Variants in GCC2 observed in about 807,000 individuals in gnomAD.
GCC2 encodes the protein GRIP and coiled-coil domain containing 2, also known as GRIP and coiled-coil domain-containing protein 2.
Under a neutral mutation model 210.6 loss-of-function variants are expected in GCC2, and 120 were observed. The ratio of observed to expected loss-of-function variants is 0.57; its 90% confidence interval spans 0.49 to 0.66. The LOEUF is 0.66. Among genes scored for constraint, GCC2 ranks in the 30% least tolerant of loss-of-function variants. GCC2 has a pLI of 0.00. For missense variants in GCC2, 1,868 were observed against 1,871.9 expected, an observed-to-expected ratio of 1.00 and a Z score of 0.04; for synonymous variants, 703 against 652.7, an observed-to-expected ratio of 1.08 and a Z score of -1.17.
intron 4 of GCC2, among the ~76,000 whole-genome samples, chr2:108,461,850 T>TTTTTG (rs1295632709): frequency 6.8e-6 from 1 of 146,030 alleles, no homozygotes. Context: ...TTTTTTTTTT[T>TTTTTG]TGAGACAGAG....
intron 1 of GCC2, 75 bp downstream of exon 1, chr2:108,449,355 G>A: frequency 6.6e-7 from 1 of 1,518,878 alleles, no homozygotes; most frequent in Non-Finnish European, 8.9e-7. Flanking sequence ...TGGGCCCGAT[G>A]GGAGGGCGCG....
intron 4 of GCC2, among the ~76,000 whole-genome samples, chr2:108,458,374 CTTTTTTTTTTT>C (rs70956257): frequency 1.0e-5 from 1 of 100,306 alleles, no homozygotes; most frequent in Admixed American, 1.1e-4. Flanking sequence ...TTGTTGCTTT[CTTTTTTTTTTT>C]TTTTTTTTTG....
At chr2:108,452,321 T>C in intron 3 of GCC2, 78 bp from the exon 4 acceptor site, 1 of 803,200 alleles carries the variant, frequency 1.2e-6, no homozygotes, top group South Asian at 1.4e-5. Flanking sequence ...GGGGGTTTTG[T>C]GAGAATGTAC....
At chr2:108,449,448 C>A (rs1679781904) in intron 1 of GCC2, among the ~76,000 whole-genome samples, 168 bp downstream of exon 1, 1 of 152,204 alleles carries the variant, frequency 6.6e-6, no homozygotes, top group Non-Finnish European at 1.5e-5. Context: ...GGGTTACCTG[C>A]CCCGTAGAGC....
chr2:108,465,840 C>G (rs1432875631), intron 4 of GCC2, among the ~76,000 whole-genome samples: 2 of 152,164 alleles, frequency 1.3e-5, no homozygotes, highest in African/African-American at 4.8e-5. Flanking sequence ...TTCCCCACAT[C>G]CACGCAAACA....
intron 4 of GCC2, among the ~76,000 whole-genome samples, chr2:108,458,676 A>G (rs1425554979): frequency 1.3e-5 from 2 of 151,880 alleles, no homozygotes; most frequent in Non-Finnish European, 2.9e-5. Context: ...CCAGAAATTT[A>G]TCCATTTCCT....
At chr2:108,484,053 C>A (rs887799441) in intron 12 of GCC2, 96 bp from the exon 13 acceptor site, 10 of 641,688 alleles carry the variant, frequency 1.6e-5, no homozygotes, top group Non-Finnish European at 2.4e-5. Context: ...CCATTTATTG[C>A]TGTGGCATCA....
rs142522262 is a variant in GCC2 at position 108,472,110 on chromosome 2, A to G, written c.2781A>G (p.Leu927=). 4 of 1,510,076 alleles carry G rather than the reference A, an allele frequency of 2.6e-6. No homozygotes were observed. Among genetic ancestry groups the G allele is most frequent in the South Asian group, 2.7e-5 (2 of 73,146 alleles). 93.5% of individuals were successfully genotyped at this position (1,510,076 alleles called of 1,614,324 possible). A position where few individuals can be genotyped will look rare whatever the true frequency, so the allele number is the denominator to read the frequency against. The change falls in exon 6 of 23, where the codon CTA becomes CTG. Residue 927 remains leucine (L), a synonymous_variant. Coordinates refer to ENST00000309863, the MANE Select transcript of GCC2 (RefSeq NM_181453.4). ...ELRDRRAELI[L]LKDSLAKSPS... is the part of the protein sequence containing the mutation. Reference sequence around the variant, plus strand: ...GAGATAGGAGAGCAGAGTTGATACTATTAAAGGTACCATTCATTTGAATTC... The same window carrying G: ...GAGATAGGAGAGCAGAGTTGATACTGTTAAAGGTACCATTCATTTGAATTC...
intron 7 of GCC2, chr2:108,475,115 T>TCAGACC (rs1681440421): frequency 6.5e-6 from 1 of 154,026 alleles, no homozygotes; most frequent in Non-Finnish European, 1.4e-5. Flanking sequence ...GTTGTGAAAA[T>TCAGACC]CAGACCCAGC....
intron 7 of GCC2, 77 bp from the exon 8 acceptor site, chr2:108,475,458 C>G (rs557337099): frequency 3.3e-6 from 2 of 612,506 alleles, no homozygotes; most frequent in East Asian, 3.0e-5. Context: ...CCCAAATAAT[C>G]TAGGGCTAAA....
chr2:108,468,171 C>T (rs574777114), intron 4 of GCC2, among the ~76,000 whole-genome samples: 2 of 152,068 alleles, frequency 1.3e-5, no homozygotes, highest in South Asian at 4.1e-4. Flanking sequence ...AAGCAATTCT[C>T]CTGCCTTAGC....
chr2:108,503,749 G>A (rs1573243986), intron 22 of GCC2, among the ~76,000 whole-genome samples: 1 of 152,128 alleles, frequency 6.6e-6, no homozygotes, highest in Non-Finnish European at 1.5e-5. Flanking sequence ...TTTCATTCAG[G>A]TTGCTACCTA....
intron 21 of GCC2, among the ~76,000 whole-genome samples, chr2:108,497,763 A>T (rs1263891335): frequency 6.6e-6 from 1 of 152,120 alleles, no homozygotes; most frequent in African/African-American, 2.4e-5. Flanking sequence ...CTCACTGATA[A>T]ATCACCCCTC....
At chr2:108,494,891 C>A (rs1682568441) in intron 19 of GCC2, 1 of 155,456 alleles carries the variant, frequency 6.4e-6, no homozygotes, top group Non-Finnish European at 1.4e-5. Flanking sequence ...TGGCTCACTG[C>A]AACCTCCGCC....
intron 22 of GCC2, among the ~76,000 whole-genome samples, chr2:108,501,186 C>T (rs1682911118): frequency 6.6e-6 from 1 of 151,926 alleles, no homozygotes; most frequent in Non-Finnish European, 1.5e-5. Flanking sequence ...GAGGTTTCAC[C>T]ATGTTGGCCA....
rs1681113913 is a variant in GCC2, at chr2:108,470,138, T to G, written c.809T>G (p.Ile270Arg). 3.1e-6 allele frequency: 5 copies of G among 1,613,458 alleles called. No individual in the cohort carries two copies. The highest frequency in any genetic ancestry group is 2.2e-5 in the South Asian group (2 of 91,056). The change falls in exon 6 of 23, where the codon ATA becomes AGA. Residue 270 changes from isoleucine to arginine, a missense_variant. Coordinates refer to ENST00000309863, the MANE Select transcript of GCC2 (RefSeq NM_181453.4). ...TCAGCTAAGGAACATGAAGCAGAGATAAATAAGTTGAACGAGCTAAAAGAG... is the reference window on the plus strand; with the variant it reads ...TCAGCTAAGGAACATGAAGCAGAGAGAAATAAGTTGAACGAGCTAAAAGAG... The part of the protein sequence containing the change: ...EASAKEHEAE[I>R]NKLNELKENL...
intron 4 of GCC2, among the ~76,000 whole-genome samples, chr2:108,465,329 G>A (rs1239371306): frequency 1.3e-5 from 2 of 152,158 alleles, no homozygotes; most frequent in African/African-American, 2.4e-5. Context: ...TCCTAACCTT[G>A]ATCTCAGAGT....
Position 108,471,547 on chromosome 2 carries a change from A to G in GCC2, c.2218A>G (p.Asn740Asp). The G allele has an allele frequency of 6.2e-7, 1 of 1,607,056 alleles. No homozygotes were observed. Among genetic ancestry groups the G allele is most frequent in the Non-Finnish European group, 8.5e-7 (1 of 1,177,108 alleles). ...TCAGTTAATGGTTGAAGAGCAAGAT[A>G]ATTTAAATAAACTGCTTGAAAATGA... ...KLQLMVEEQD[N>D]LNKLLENEQV... The change falls in exon 6 of 23, where the codon AAT (asparagine) becomes GAT (aspartate). Residue 740 changes from asparagine (N) to aspartate (D), a missense_variant. Around this residue, in one of 3 missense-constraint regions of GCC2, gnomAD observed 1,847 missense variants for 1,765.2 expected, o/e 1.05. Coordinates refer to ENST00000309863, the MANE Select transcript of GCC2 (RefSeq NM_181453.4).
At chr2:108,459,256 C>T (rs1185474786) in intron 4 of GCC2, among the ~76,000 whole-genome samples, 1 of 152,082 alleles carries the variant, frequency 6.6e-6, no homozygotes, top group Non-Finnish European at 1.5e-5. Flanking sequence ...TCATTTGAGA[C>T]CATGTTATTT....
Sources: gnomAD v4.1 joint callset for allele counts (sites outside exome capture counted in the v4.1 genomes callset) on GRCh38, gnomAD v4.1.1 for gene constraint, gnomAD v4.1.1 regional missense constraint, MANE v1.5 for transcripts, NCBI Gene and HGNC (gene_info 2026-07-23, HGNC 2026-07-21) for gene names.